Variants in ANKHD1 observed in about 807,000 individuals in gnomAD.
ANKHD1 encodes ankyrin repeat and KH domain-containing protein 1.
A neutral mutation model predicts 230.5 loss-of-function variants in ANKHD1; 31 were observed. The ratio of observed to expected loss-of-function variants is 0.13; its 90% CI spans 0.10 to 0.18. The LOEUF is 0.18. Among genes scored for constraint, ANKHD1 ranks in the 10% least tolerant of loss-of-function variants. ANKHD1 has a pLI of 1.00. For missense variants in ANKHD1, 2,256 were observed against 3,071.3 expected, an observed-to-expected ratio of 0.73 and a Z score of 6.27; for synonymous variants, 1,074 against 1,117.6, an observed-to-expected ratio of 0.96 and a Z score of 0.78.
rs114631950 is a variant in ANKHD1 at position 140,420,458 on chromosome 5, T to C, written c.307-15646T>C. Among the ~76,000 whole-genome samples the C allele has an allele frequency of 8.0e-3, 1,213 of 152,334 alleles. 12 individuals are homozygous for C. The highest frequency in any genetic ancestry group is 0.025 in the African/African-American group (1,045 of 41,582). ...CTGTTTTCTTCTGAGACTTGCATAG[T>C]TTTAGCTCTTACATTTAGGTCTCTG... On this transcript the variant is annotated intron_variant, in intron 1 of 33. Transcript: ENST00000360839.
chr5:140,521,039 G>C (rs912499405), intron 24 of ANKHD1, among the ~76,000 whole-genome samples: 2 of 151,948 alleles, frequency 1.3e-5, no homozygotes, highest in African/African-American at 4.8e-5. Context: ...TGCTTACCTG[G>C]AAAATGACAG....
chr5:140,535,991 G>GA (rs1181093338), intron 30 of ANKHD1: 3 of 151,494 alleles, frequency 2.0e-5, no homozygotes, highest in African/African-American at 7.3e-5. Context: ...GAAAGAAGTT[G>GA]AATTTTTGTA....
At chr5:140,417,961 C>G (rs1462610587) in intron 1 of ANKHD1, among the ~76,000 whole-genome samples, 1 of 150,722 alleles carries the variant, frequency 6.6e-6, no homozygotes, top group Non-Finnish European at 1.5e-5. Flanking sequence ...TGCTTCAGCC[C>G]CCCGAGTAGC....
chr5:140,518,546 A>G (rs1753158437), intron 24 of ANKHD1, among the ~76,000 whole-genome samples: 1 of 151,310 alleles, frequency 6.6e-6, no homozygotes, highest in South Asian at 2.1e-4. Context: ...TCAATAAAAT[A>G]CTGGCAAACC....
At position 140,526,916 on chromosome 5, in the gene ANKHD1, G is replaced by A; in HGVS notation, c.4941-12G>A. The A allele has an allele frequency of 6.2e-7, 1 of 1,602,208 alleles. No individual in the cohort carries two copies. Among genetic ancestry groups the A allele is most frequent in the Non-Finnish European group, 8.5e-7 (1 of 1,176,114 alleles). On this transcript the variant is annotated splice_polypyrimidine_tract_variant and intron_variant, in intron 26 of 33. Coordinates refer to ENST00000360839, the MANE Select transcript of ANKHD1 (RefSeq NM_017747.3). The stretch of plus-strand genomic sequence containing the variant: ...TTATCTTTTATTGTACTTGCTATTT[G>A]TCTCTTCTTAGACTTGAAGGTGAAG...
chr5:140,521,480 AT>A (rs1753346973), intron 24 of ANKHD1, among the ~76,000 whole-genome samples: 2 of 152,132 alleles, frequency 1.3e-5, no homozygotes, highest in African/African-American at 2.4e-5. Context: ...ACTTAAAAAA[AT>A]AAATTAAAAT....
chr5:140,402,103 C>G lies in ANKHD1; in HGVS notation c.136C>G (p.Leu46Val). 6.5e-7 allele frequency: 1 copy of G among 1,529,474 alleles called. No individual in the cohort carries two copies. Among genetic ancestry groups the G allele is most frequent in the Non-Finnish European group, 8.7e-7 (1 of 1,143,384 alleles). 94.7% of individuals were successfully genotyped at this position (1,529,474 alleles called of 1,614,324 possible). A position where few individuals can be genotyped will look rare whatever the true frequency, so the allele number is the denominator to read the frequency against. The change falls in exon 1 of 34, where the codon CTC becomes GTC. Residue 46 changes from leucine (L) to valine (V), a missense_variant. Leu to Val is a conservative substitution (Grantham distance 32). Transcript: ENST00000360839. The part of the protein sequence containing the change: ...GVGLGIRTVR[L>V]FGEAGPASGV... ...CGGTCTGGGGATCCGCACCGTGAGG[C>G]TCTTTGGGGAGGCCGGGCCAGCGTC...
At position 140,538,090 on chromosome 5, in the gene ANKHD1, C is replaced by T; in HGVS notation, c.7233C>T (p.Gly2411=). 1.2e-6 allele frequency: 2 copies of T among 1,608,684 alleles called. No homozygotes were observed. The highest frequency in any genetic ancestry group is 1.7e-6 in the Non-Finnish European group (2 of 1,177,960). The change falls in exon 32 of 34, where the codon GGC becomes GGT. Residue 2411 remains glycine (G), a synonymous_variant. Transcript: ENST00000360839. Reference sequence around the variant, plus strand: ...GTTTTCAATTATTCTTTCCAGAAGGCTTATCAGGTTGGTCGCAATCTGTGA... The same window carrying T: ...GTTTTCAATTATTCTTTCCAGAAGGTTTATCAGGTTGGTCGCAATCTGTGA... ...WSFGVNAVSE[G]LSGWSQSVMG...
chr5:140,435,061 A>G (rs1298215461), intron 1 of ANKHD1, among the ~76,000 whole-genome samples: 1 of 152,228 alleles, frequency 6.6e-6, no homozygotes, highest in Non-Finnish European at 1.5e-5. Context: ...TTCAACAAGT[A>G]TGTATTAAAT....
chr5:140,491,293 A>T (rs1222573307), intron 14 of ANKHD1, among the ~76,000 whole-genome samples: 2 of 149,136 alleles, frequency 1.3e-5, no homozygotes, highest in Non-Finnish European at 3.0e-5. Context: ...CCCTGCAGGT[A>T]GCTGGGACTA....
In ANKHD1 at chr5:140,402,204, G is replaced by A; in HGVS notation, c.237G>A (p.Leu79=). The A allele has an allele frequency of 2.0e-6, 3 of 1,524,270 alleles. No homozygotes were observed. The highest frequency in any genetic ancestry group is 1.2e-5 in the South Asian group (1 of 82,682). 94.4% of individuals were successfully genotyped at this position (1,524,270 alleles called of 1,614,324 possible). A position where few individuals can be genotyped will look rare whatever the true frequency, so the allele number is the denominator to read the frequency against. ...GGGDAALDFK[L]AAAVLRTGGG... The stretch of plus-strand genomic sequence containing the variant: ...GGGACGCGGCGCTGGATTTCAAGTT[G>A]GCGGCTGCCGTGCTGAGGACCGGGG... Residue 79 remains leucine, a synonymous_variant, in exon 1 of 34, where the codon TTG becomes TTA. Coordinates refer to ENST00000360839, the MANE Select transcript of ANKHD1 (RefSeq NM_017747.3).
rs973904116 is a variant in ANKHD1, at chr5:140,527,719, G to A, written c.5088-154G>A. Among the ~76,000 whole-genome samples the A allele has an allele frequency of 3.9e-5, 6 of 152,140 alleles. No individual in the cohort carries two copies. The highest frequency in any genetic ancestry group is 1.2e-4 in the African/African-American group (5 of 41,442). On this transcript the variant is annotated intron_variant, in intron 27 of 33. Coordinates refer to ENST00000360839, the MANE Select transcript of ANKHD1 (RefSeq NM_017747.3). The surrounding 1 kb of genome is among the most constrained non-coding windows in gnomAD (Gnocchi z 4.5). ...CTAAATTCAATTCAATATTACAAGAGATCAATTTCTAAAATAAAAACTTTT... is the reference window on the plus strand; with the variant it reads ...CTAAATTCAATTCAATATTACAAGAAATCAATTTCTAAAATAAAAACTTTT...
chr5:140,535,711 G>C, intron 30 of ANKHD1, 173 bp downstream of exon 30: 2 of 1,006,380 alleles, frequency 2.0e-6, no homozygotes. Flanking sequence ...TAGAAAACTT[G>C]AGAATTATTC....
intron 29 of ANKHD1, among the ~76,000 whole-genome samples, chr5:140,533,352 A>G (rs1457714114): frequency 2.0e-5 from 3 of 152,124 alleles, no homozygotes; most frequent in Non-Finnish European, 4.4e-5. Context: ...TAATCCCAGC[A>G]CTTTGGGAGG....
intron 1 of ANKHD1, among the ~76,000 whole-genome samples, chr5:140,412,528 A>G (rs1287493385): frequency 6.6e-6 from 1 of 152,208 alleles, no homozygotes; most frequent in Non-Finnish European, 1.5e-5. Context: ...CCACTAGAGT[A>G]TAGGGGGAGC....
At chr5:140,414,049 G>A (rs1771154978) in intron 1 of ANKHD1, among the ~76,000 whole-genome samples, 1 of 152,106 alleles carries the variant, frequency 6.6e-6, no homozygotes, top group African/African-American at 2.4e-5. Flanking sequence ...CTAAAGTGCT[G>A]GGATTACAGG....
At chr5:140,519,264 C>T (rs1753200771) in intron 24 of ANKHD1, among the ~76,000 whole-genome samples, 1 of 152,082 alleles carries the variant, frequency 6.6e-6, no homozygotes, top group Non-Finnish European at 1.5e-5. Context: ...AACCACTGCT[C>T]AGTGAAATAA....
intron 24 of ANKHD1, among the ~76,000 whole-genome samples, chr5:140,514,859 C>G (rs2127066328): frequency 6.6e-6 from 1 of 152,166 alleles, no homozygotes; most frequent in African/African-American, 2.4e-5. Context: ...GTAGTCCCAG[C>G]TACTCAGGAG....
rs1378372748 is a variant in ANKHD1 at position 140,539,401 on chromosome 5, C to T, written c.7612C>T (p.Leu2538Phe). ...TWAPHIGNMH[L>F]KYVN ...GGCACCTCATATTGGAAACATGCAT[C>T]TCAAATATGTCAACTAAGTTAGAAG... Residue 2538 changes from leucine to phenylalanine, a missense_variant, in exon 34 of 34, where the codon CTC becomes TTC. Physicochemically the swap from Leu to Phe is conservative, Grantham distance 22. Coordinates refer to ENST00000360839, the MANE Select transcript of ANKHD1 (RefSeq NM_017747.3). 6.2e-7 allele frequency: 1 copy of T among 1,613,876 alleles called. No homozygotes were observed. The highest frequency in any genetic ancestry group is 1.1e-5 in the South Asian group (1 of 91,056).
Sources: allele counts gnomAD v4.1 joint callset (sites outside exome capture counted in the v4.1 genomes callset), GRCh38; gene constraint gnomAD v4.1.1; non-coding constraint Gnocchi (gnomAD v3.1); transcripts MANE v1.5; gene names NCBI Gene and HGNC (gene_info 2026-07-23, HGNC 2026-07-21).